Variants in GEM observed in about 807,000 individuals in gnomAD.
The protein encoded by GEM is GTP binding protein overexpressed in skeletal muscle, also known as GTP-binding protein GEM.
A neutral mutation model predicts 33.0 loss-of-function variants in GEM; 31 were observed. The ratio of observed to expected loss-of-function variants is 0.94; its 90% confidence interval spans 0.71 to 1.27. GEM has a LOEUF of 1.27. GEM is among the 50% of genes most tolerant of loss of function. GEM has a pLI of 0.00. For synonymous variants in GEM, 141 were observed against 143.7 expected, an observed-to-expected ratio of 0.98 and a Z score of 0.13; for missense variants, 354 against 390.5, an observed-to-expected ratio of 0.91 and a Z score of 0.79.
chr8:94,261,158 A>C (rs75262089), intron 1 of GEM, among the ~76,000 whole-genome samples: 1,608 of 152,038 alleles, frequency 0.011, 28 homozygotes, highest in African/African-American at 0.037. Context: ...GTAGGGGGGA[A>C]ATTTTCTGTT....
chr8:94,259,031 G>C (rs1379534646), intron 2 of GEM, among the ~76,000 whole-genome samples: 3 of 152,168 alleles, frequency 2.0e-5, no homozygotes, highest in African/African-American at 7.2e-5. Context: ...AAGAAAGAGG[G>C]AATCAATTGT....
rs762800000 is a variant in GEM at position 94,260,283 on chromosome 8, G to T, written c.221C>A (p.Thr74Asn). ...CCCTATGAGCACCACTCGGTAGTAGGTGTTCCCTGACTCAGAGGAGATGAC... is the reference window on the plus strand; with the variant it reads ...CCCTATGAGCACCACTCGGTAGTAGTTGTTCCCTGACTCAGAGGAGATGAC... Reference protein sequence around the residue: ...DSVISSESGNTYYRVVLIGEQ... With the variant: ...DSVISSESGNNYYRVVLIGEQ... Residue 74 changes from threonine (T) to asparagine (N), a missense_variant, in exon 2 of 5, where the codon ACC (threonine) becomes AAC (asparagine). Thr to Asn is a moderately conservative substitution (Grantham distance 65, BLOSUM62 0). Transcript: ENST00000297596. 7 of 1,613,964 alleles carry T rather than the reference G, an allele frequency of 4.3e-6. No individual in the cohort carries two copies. The African/African-American group carries it at 6.7e-5, about 15-fold the overall frequency.
Position 94,260,531 on chromosome 8 carries a change from A to AGT in GEM, c.-9-20_-9-19insAC. On this transcript the variant is annotated intron_variant, in intron 1 of 4. Coordinates refer to ENST00000297596, the MANE Select transcript of GEM (RefSeq NM_005261.4). ...TTGAGTCCTGGGGAGCAAAGCAGCC[A>AGT]AGATGGCAGCATTAGTAAGCATGAG... The AGT allele has an allele frequency of 6.9e-7, 1 of 1,457,722 alleles. No individual in the cohort carries two copies. The highest frequency in any genetic ancestry group is 2.3e-5 in the East Asian group (1 of 43,396). 90.3% of individuals were successfully genotyped at this position (1,457,722 alleles called of 1,614,324 possible).
chr8:94,257,172 T>TTTTTA (rs1376074454), intron 2 of GEM, among the ~76,000 whole-genome samples: 2 of 151,868 alleles, frequency 1.3e-5, no homozygotes, highest in Admixed American at 6.6e-5. Flanking sequence ...TTTATTTTTA[T>TTTTTA]TTTTATTTTA....
At position 94,260,321 on chromosome 8, in the gene GEM, G is replaced by C. The variant is rs145616833; in HGVS notation, c.183C>G (p.Asp61Glu). The change falls in exon 2 of 5, where the codon GAC (aspartate) becomes GAG (glutamate). Residue 61 changes from aspartate (D) to glutamate (E), a missense_variant. By Grantham distance (45) the Asp-to-Glu change is conservative. Coordinates refer to ENST00000297596, the MANE Select transcript of GEM (RefSeq NM_005261.4). Reference sequence around the variant, plus strand: ...CAGAGGAGATGACTGAGTCTGTGGAGTCAGAGGACCAGCTTCGGCGGCAGT... The same window carrying C: ...CAGAGGAGATGACTGAGTCTGTGGACTCAGAGGACCAGCTTCGGCGGCAGT... Reference protein sequence around the residue: ...EDHCRRSWSSDSTDSVISSES... With the variant: ...EDHCRRSWSSESTDSVISSES... The C allele has an allele frequency of 6.6e-4, 1,070 of 1,614,220 alleles. 11 individuals carry two copies. The Admixed American group carries it at 0.016, about 25-fold the overall frequency.
At chr8:94,250,974 T>C (rs1417560405) in intron 4 of GEM, among the ~76,000 whole-genome samples, 2 of 152,188 alleles carry the variant, frequency 1.3e-5, no homozygotes, top group Admixed American at 6.5e-5. Flanking sequence ...TACATTATTA[T>C]CCCTGTCAAA....
intron 2 of GEM, among the ~76,000 whole-genome samples, chr8:94,255,475 A>C (rs975128703): frequency 6.6e-6 from 1 of 151,892 alleles, no homozygotes; most frequent in Non-Finnish European, 1.5e-5. Flanking sequence ...ACATGAGTTT[A>C]GATACGGCCT....
At chr8:94,252,469 T>C (rs1563605716) in intron 3 of GEM, among the ~76,000 whole-genome samples, 1 of 152,230 alleles carries the variant, frequency 6.6e-6, no homozygotes, top group South Asian at 2.1e-4. Flanking sequence ...CAGTATCTTC[T>C]ACAGCTTGAT....
Position 94,252,175 on chromosome 8 carries a change from A to T in GEM, c.457T>A (p.Tyr153Asn), listed in dbSNP as rs1280600378. ...TCTGTGATTGAGTAGACAATCAGGT[A>T]TGCGTCCCCGACCTGCATGCAGTGG... ...HDHCMQVGDA[Y>N]LIVYSITDRA... Residue 153 changes from tyrosine (Y) to asparagine (N), a missense_variant, in exon 4 of 5, where the codon TAC becomes AAC. Physicochemically the swap from Tyr to Asn is moderately radical, Grantham distance 143. Transcript: ENST00000297596. The T allele has an allele frequency of 4.3e-6, 7 of 1,613,720 alleles. No homozygotes were observed. The highest frequency in any genetic ancestry group is 5.1e-6 in the Non-Finnish European group (6 of 1,179,680).
chr8:94,261,404 T>C (rs755412848), intron 1 of GEM, among the ~76,000 whole-genome samples: 4 of 152,234 alleles, frequency 2.6e-5, no homozygotes, highest in African/African-American at 4.8e-5. Flanking sequence ...TGGAGTGCAG[T>C]GGCACGATCA....
At chr8:94,258,625 A>G (rs772536836) in intron 2 of GEM, among the ~76,000 whole-genome samples, 1 of 152,230 alleles carries the variant, frequency 6.6e-6, no homozygotes, top group Non-Finnish European at 1.5e-5. Flanking sequence ...CACCCTGGGA[A>G]AGTCACTTGA....
At chr8:94,251,923 G>T in intron 4 of GEM, 96 bp downstream of exon 4, 1 of 934,140 alleles carries the variant, frequency 1.1e-6, no homozygotes, top group Non-Finnish European at 1.7e-6. Flanking sequence ...TGAGTTCCTA[G>T]ATCCAGCCTC....
chr8:94,258,961 TA>T (rs1808957283), intron 2 of GEM, among the ~76,000 whole-genome samples: 1 of 152,208 alleles, frequency 6.6e-6, no homozygotes, highest in Non-Finnish European at 1.5e-5. Flanking sequence ...ACATTCACTC[TA>T]AATGCTAGCC....
At chr8:94,254,780 T>G (rs1808851829) in intron 2 of GEM, among the ~76,000 whole-genome samples, 1 of 152,128 alleles carries the variant, frequency 6.6e-6, no homozygotes, top group Non-Finnish European at 1.5e-5. Context: ...CTTGGACAAA[T>G]AAGAAGAGAG....
At chr8:94,260,705 C>T in intron 1 of GEM, 193 bp from the exon 2 acceptor site, 1 of 545,654 alleles carries the variant, frequency 1.8e-6, no homozygotes, top group African/African-American at 1.9e-5. Flanking sequence ...CACATGCTGC[C>T]CACACTGTCA....
chr8:94,253,829 A>C (rs947294364), intron 2 of GEM, among the ~76,000 whole-genome samples: 3 of 152,190 alleles, frequency 2.0e-5, no homozygotes, highest in African/African-American at 7.2e-5. Flanking sequence ...GGGCCAAAGC[A>C]GTTCCAGCCT....
In GEM at chr8:94,262,309, G is replaced by C. The variant is rs1215490957; in HGVS notation, c.-229C>G. The C allele has an allele frequency of 6.6e-6, 1 of 152,144 alleles. No individual in the cohort carries two copies. Among genetic ancestry groups the C allele is most frequent in the Non-Finnish European group, 1.5e-5 (1 of 68,062 alleles). The allele number at this position is 152,144 out of a possible 1,614,324, so 9.4% of individuals were successfully genotyped here. On this transcript the variant is annotated 5_prime_UTR_variant, in exon 1 of 5. Transcript: ENST00000297596. ...GTGCTGCGCTGTGCCCGCCGTCCTT[G>C]CCCGCCGCCTGCAGCCGCCGCGGCC...
Position 94,250,185 on chromosome 8 carries a change from A to T in GEM, c.*125T>A. The T allele has an allele frequency of 1.3e-6, 1 of 757,496 alleles. No homozygotes were observed. The highest frequency in any genetic ancestry group is 2.2e-6 in the Non-Finnish European group (1 of 463,682). 46.9% of individuals were successfully genotyped at this position (757,496 alleles called of 1,614,324 possible). On this transcript the variant is annotated 3_prime_UTR_variant, in exon 5 of 5. Transcript: ENST00000297596. ...GCATCATGTTGCCCACAAGGCTAAT[A>T]CGCTAGCTCCCTGCTACAATGGGGG... is the stretch of plus-strand genomic sequence containing the variant.
chr8:94,260,106 C>T, intron 2 of GEM, 67 bp downstream of exon 2: 1 of 1,025,432 alleles, frequency 9.8e-7, no homozygotes. Context: ...AATAAGTCAC[C>T]CACCCTCACT....
Sources: allele counts gnomAD v4.1 joint callset (sites outside exome capture counted in the v4.1 genomes callset), GRCh38; gene constraint gnomAD v4.1.1; transcripts MANE v1.5; gene names NCBI Gene and HGNC (gene_info 2026-07-23, HGNC 2026-07-21).